The following CKM variants were observed in gnomAD, a reference collection of about 807,000 sequenced individuals.
CKM encodes creatine kinase M-type.
A neutral mutation model predicts 35.4 loss-of-function variants in CKM; 28 were observed. The observed-to-expected ratio is 0.79, with a 90% CI of 0.59 to 1.08. The LOEUF (loss-of-function observed/expected upper bound fraction) is 1.08, where lower values mean the gene tolerates loss of function less well. Among genes scored for constraint, CKM ranks in the 50% least tolerant of loss-of-function variants. The pLI is 0.00. For synonymous variants in CKM, 215 were observed against 204.4 expected, an observed-to-expected ratio of 1.05 and a Z score of -0.44; for missense variants, 484 against 509.8, an observed-to-expected ratio of 0.95 and a Z score of 0.49.
rs377358514 is a variant in CKM, at chr19:45,321,973, G to A, written c.-19+848C>T. On this transcript the variant is annotated intron_variant, in intron 1 of 7. Transcript: ENST00000221476. ...TCCAGGGTGGTTATTTTTAGAATCT[G>A]GCAACTGCCTGCCATCCCACCCCCA... Among the ~76,000 whole-genome samples the A allele has an allele frequency of 1.4e-4, 21 of 152,210 alleles. 1 individual carries two copies. In the South Asian group the frequency reaches 4.4e-3, roughly 32 times the overall value.
chr19:45,308,810 CAG>C (rs1971080211), intron 5 of CKM, among the ~76,000 whole-genome samples: 1 of 152,166 alleles, frequency 6.6e-6, no homozygotes, highest in Non-Finnish European at 1.5e-5. Context: ...GTTTGACAAA[CAG>C]AAGCTTGGGA....
At chr19:45,307,866 GTTTTTTTTT>G (rs34729831) in intron 6 of CKM, among the ~76,000 whole-genome samples, 2 of 124,180 alleles carry the variant, frequency 1.6e-5, no homozygotes, top group Non-Finnish European at 3.3e-5. Flanking sequence ...TTGAAGGCGG[GTTTTTTTTT>G]TTTTTTTTTC....
At chr19:45,313,692 C>T (rs142939938) in intron 4 of CKM, among the ~76,000 whole-genome samples, 1 of 152,100 alleles carries the variant, frequency 6.6e-6, no homozygotes, top group East Asian at 1.9e-4. Context: ...ACTAAAAATA[C>T]AAAAATTAGC....
chr19:45,318,398 C>G (rs1971179748), intron 2 of CKM, among the ~76,000 whole-genome samples: 1 of 149,132 alleles, frequency 6.7e-6, no homozygotes, highest in African/African-American at 2.5e-5. Flanking sequence ...CAGAGCAAGA[C>G]TCTGTCTCCA....
chr19:45,311,685 G>A (rs2123135369), intron 5 of CKM, 64 bp downstream of exon 5: 2 of 1,384,106 alleles, frequency 1.4e-6, no homozygotes, highest in South Asian at 1.3e-5. Flanking sequence ...GGAGTGAGGA[G>A]GGCCGTTGCA....
chr19:45,310,367 G>A (rs951051734), intron 5 of CKM, among the ~76,000 whole-genome samples: 46 of 151,278 alleles, frequency 3.0e-4, no homozygotes, highest in South Asian at 6.3e-4. Context: ...TGATCCGCCC[G>A]CCTTGGCCTC....
At chr19:45,315,892 G>A (rs1355770216) in intron 3 of CKM, among the ~76,000 whole-genome samples, 1 of 142,866 alleles carries the variant, frequency 7.0e-6, no homozygotes, top group East Asian at 2.0e-4. Flanking sequence ...CGCCCAGGCT[G>A]GAGTGCAGTG....
chr19:45,317,299 A>T (rs867973645), intron 3 of CKM, among the ~76,000 whole-genome samples: 119 of 151,028 alleles, frequency 7.9e-4, no homozygotes, highest in Non-Finnish European at 1.0e-3. Context: ...TTATTTATTT[A>T]TTTTTTGAGA....
chr19:45,308,276 G>T, intron 6 of CKM, 133 bp downstream of exon 6: 2 of 1,122,438 alleles, frequency 1.8e-6, no homozygotes, highest in Non-Finnish European at 2.6e-6. Flanking sequence ...ATGGGGTGGA[G>T]CCAGGTCCGG....
intron 7 of CKM, among the ~76,000 whole-genome samples, 153 bp from the exon 8 acceptor site, chr19:45,307,081 T>TC (rs2123128841): frequency 6.6e-6 from 1 of 152,266 alleles, no homozygotes; most frequent in South Asian, 2.1e-4. Flanking sequence ...ATTCGTGAGC[T>TC]CACGAGTCTC....
Position 45,311,735 on chromosome 19 carries a change from G to A in CKM, c.653+14C>T, listed in dbSNP as rs954497482. On this transcript the variant is annotated intron_variant, in intron 5 of 7. Transcript: ENST00000221476. ...TGGGGGAAGAGGAAGCCAGGGGGCG[G>A]GGAGGGGCCTCACCAGATGCCACGG... 1 of 1,558,948 alleles carries A rather than the reference G, an allele frequency of 6.4e-7. No individual in the cohort carries two copies. The highest frequency in any genetic ancestry group is 8.7e-7 in the Non-Finnish European group (1 of 1,154,546).
At chr19:45,315,860 T>TTTTTTTTTTTTTTTTG (rs1971153277) in intron 3 of CKM, among the ~76,000 whole-genome samples, 1 of 150,280 alleles carries the variant, frequency 6.7e-6, no homozygotes, top group Admixed American at 6.6e-5. Flanking sequence ...TTTTTTTTCT[T>TTTTTTTTTTTTTTTTG]CGAGACAGGG....
chr19:45,310,088 C>T (rs1009655865), intron 5 of CKM, among the ~76,000 whole-genome samples: 17 of 146,794 alleles, frequency 1.2e-4, no homozygotes, highest in Admixed American at 1.1e-3. Context: ...CCAAGATGTA[C>T]TGAACACTTA....
At chr19:45,310,255 G>A (rs909271633) in intron 5 of CKM, among the ~76,000 whole-genome samples, 2 of 151,248 alleles carry the variant, frequency 1.3e-5, no homozygotes, top group Non-Finnish European at 2.9e-5. Context: ...CGAGTAAGTA[G>A]GACTACAGGC....
At chr19:45,312,954 A>AT (rs1190388548) in intron 4 of CKM, among the ~76,000 whole-genome samples, 1 of 148,938 alleles carries the variant, frequency 6.7e-6, no homozygotes, top group Non-Finnish European at 1.5e-5. Context: ...ATTCTGTCTA[A>AT]AAAAAAAAAA....
chr19:45,321,381 A>G (rs1006612086), intron 1 of CKM, among the ~76,000 whole-genome samples: 12 of 152,244 alleles, frequency 7.9e-5, no homozygotes, highest in African/African-American at 2.9e-4. Flanking sequence ...CACAGGGCTC[A>G]GAAGGGAAGA....
chr19:45,316,928 G>T (rs1046790754), intron 3 of CKM, among the ~76,000 whole-genome samples: 1 of 151,050 alleles, frequency 6.6e-6, no homozygotes, highest in Non-Finnish European at 1.5e-5. Flanking sequence ...CTTATGATCC[G>T]CCCACCTCAG....
intron 5 of CKM, among the ~76,000 whole-genome samples, chr19:45,310,789 T>G (rs1458775652): frequency 8.0e-6 from 1 of 125,334 alleles, no homozygotes; most frequent in Non-Finnish European, 1.8e-5. Flanking sequence ...TTTTTTTTTT[T>G]TTGAGACGGA....
Position 45,311,675 on chromosome 19 carries a change from G to C in CKM, c.653+74C>G, listed in dbSNP as rs531489317. 372 of 1,295,152 alleles carry C rather than the reference G, an allele frequency of 2.9e-4. 8 individuals are homozygous for C. The South Asian group carries it at 4.7e-3, about 16-fold the overall frequency. The allele number at this position is 1,295,152 out of a possible 1,614,324, so 80.2% of individuals were successfully genotyped here. On this transcript the variant is annotated intron_variant, in intron 5 of 7. Transcript: ENST00000221476. ...CGTATATGGCCTTGGTTTTGGTGGA[G>C]GAGTGAGGAGGGCCGTTGCAGGACT...
Sources: gnomAD v4.1 joint callset for allele counts (sites outside exome capture counted in the v4.1 genomes callset) on GRCh38, gnomAD v4.1.1 for gene constraint, MANE v1.5 for transcripts, NCBI Gene and HGNC (gene_info 2026-07-23, HGNC 2026-07-21) for gene names.